Variants in FRMPD4 observed in about 807,000 individuals in gnomAD.
FRMPD4 encodes the protein FERM and PDZ domain-containing protein 4.
In FRMPD4, 22 loss-of-function variants were observed where a neutral mutation model predicts 94.1. The observed-to-expected ratio is 0.23, with a 90% CI of 0.17 to 0.33. The LOEUF is 0.33. Ranked by LOEUF, FRMPD4 falls within the 10% of genes least tolerant of loss-of-function variation. The probability of loss-of-function intolerance (pLI) is 1.00; values close to 1 mark genes in which losing one functional copy is unlikely to be tolerated. For synonymous variants in FRMPD4, 631 were observed against 548.6 expected, an observed-to-expected ratio of 1.15 and a Z score of -2.10; for missense variants, 1,111 against 1,339.9, an observed-to-expected ratio of 0.83 and a Z score of 2.67.
chrX:12,401,367 C>T (rs1267207862), intron 1 of FRMPD4, among the ~76,000 whole-genome samples: 3 of 109,796 alleles, frequency 2.7e-5, no homozygotes, highest in South Asian at 8.3e-4. Context: ...TCCCCTCTCT[C>T]ATAGTTGGAG....
At chrX:12,249,399 T>C (rs1448558200) in intron 1 of FRMPD4, among the ~76,000 whole-genome samples, 2 of 111,092 alleles carry the variant, frequency 1.8e-5, no homozygotes, top group African/African-American at 6.6e-5. Flanking sequence ...TAGGGCAGCA[T>C]AGACAGAGTG....
intron 3 of FRMPD4, among the ~76,000 whole-genome samples, chrX:12,043,980 A>G (rs2054772191): frequency 9.0e-6 from 1 of 111,574 alleles, no homozygotes; most frequent in Admixed American, 9.5e-5. Context: ...CTTTTTATAT[A>G]ACTAACAGGA....
At chrX:12,611,028 A>C (rs2059177934) in intron 3 of FRMPD4, among the ~76,000 whole-genome samples, 1 of 112,146 alleles carries the variant, frequency 8.9e-6, no homozygotes, top group African/African-American at 3.2e-5. Context: ...TCAAATCTTT[A>C]AAATTCTACA....
intron 3 of FRMPD4, among the ~76,000 whole-genome samples, chrX:12,080,313 A>G (rs910266479): frequency 8.9e-6 from 1 of 112,428 alleles, no homozygotes; most frequent in African/African-American, 3.2e-5. Flanking sequence ...ATTCACTCTC[A>G]AAAGCTTTCT....
chrX:12,641,888 T>C (rs1388775734), intron 4 of FRMPD4, among the ~76,000 whole-genome samples: 1 of 112,282 alleles, frequency 8.9e-6, no homozygotes, highest in Non-Finnish European at 1.9e-5. Flanking sequence ...GATGGTGTTT[T>C]AAAGAAATTA....
chrX:12,310,990 G>A (rs1181027129), intron 1 of FRMPD4, among the ~76,000 whole-genome samples: 1 of 112,274 alleles, frequency 8.9e-6, no homozygotes, highest in African/African-American at 3.2e-5. Context: ...TTGTAATGAT[G>A]GATATTCACA....
rs190055190 is a variant in FRMPD4 at position 11,893,404 on chromosome X, A to C, written c.95+15386A>C. 1.7e-3 allele frequency among the ~76,000 whole-genome samples: 194 copies of C among 112,372 alleles called. 2 individuals are homozygous for C. Among genetic ancestry groups the C allele is most frequent in the Non-Finnish European group, 3.3e-3 (177 of 53,238 alleles). On this transcript the variant is annotated intron_variant, in intron 3 of 18. Transcript: ENST00000640291. ...CACTTGGACCTGAATTTTGGCTTTG[A>C]ATATAAGTTTTGCCTGAATTCTTAA...
intron 3 of FRMPD4, among the ~76,000 whole-genome samples, chrX:11,977,967 A>G (rs1457910006): frequency 2.7e-5 from 3 of 110,312 alleles, no homozygotes; most frequent in Admixed American, 9.7e-5. Flanking sequence ...CTGGAGAGGT[A>G]TGATGAGGCA....
intron 3 of FRMPD4, among the ~76,000 whole-genome samples, chrX:11,954,148 C>T (rs950391186): frequency 1.8e-5 from 2 of 112,282 alleles, no homozygotes; most frequent in Non-Finnish European, 3.8e-5. Context: ...TTTGGCCAAC[C>T]TATGTGTTTT....
chrX:12,695,757 A>G (rs912290039), intron 9 of FRMPD4, among the ~76,000 whole-genome samples: 2 of 109,230 alleles, frequency 1.8e-5, no homozygotes, highest in Non-Finnish European at 3.8e-5. Flanking sequence ...TTAGTACTGA[A>G]TGATGATTTT....
chrX:12,055,988 A>G (rs2054852190), intron 3 of FRMPD4, among the ~76,000 whole-genome samples: 1 of 111,203 alleles, frequency 9.0e-6, no homozygotes, highest in Admixed American at 9.5e-5. Context: ...CCTCCTCCTC[A>G]TTTTTTCTCC....
chrX:11,854,917 G>T (rs913970052), intron 1 of FRMPD4, among the ~76,000 whole-genome samples: 2 of 112,151 alleles, frequency 1.8e-5, no homozygotes, highest in East Asian at 5.7e-4. Context: ...TGGGGACTCT[G>T]TGTGGGGGCT....
intron 1 of FRMPD4, among the ~76,000 whole-genome samples, chrX:12,334,461 G>A (rs140467382): frequency 4.2e-4 from 47 of 111,136 alleles, no homozygotes; most frequent in South Asian, 3.1e-3. Context: ...CAAAACTTAC[G>A]TTATGCAAAC....
At chrX:12,178,988 G>T (rs5978496) in intron 1 of FRMPD4, among the ~76,000 whole-genome samples, 10,981 of 111,669 alleles carry the variant, frequency 0.098, 500 homozygotes, top group African/African-American at 0.16. Flanking sequence ...TCATGATTCA[G>T]TGGGTTTTCT....
chrX:12,701,544 C>T (rs940348111), intron 9 of FRMPD4, among the ~76,000 whole-genome samples: 4 of 112,054 alleles, frequency 3.6e-5, no homozygotes, highest in Non-Finnish European at 7.5e-5. Context: ...CCAGAAGCCA[C>T]ATTATGCTAT....
At chrX:11,916,294 T>C (rs2054024388) in intron 3 of FRMPD4, among the ~76,000 whole-genome samples, 2 of 111,477 alleles carry the variant, frequency 1.8e-5, no homozygotes, top group East Asian at 5.6e-4. Context: ...TGCTGTTCCT[T>C]GCATGCCACG....
intron 5 of FRMPD4, among the ~76,000 whole-genome samples, chrX:12,677,725 G>A (rs767423271): frequency 1.8e-5 from 2 of 111,383 alleles, no homozygotes; most frequent in African/African-American, 3.3e-5. Flanking sequence ...TATACCTTCC[G>A]GCCACATTCC....
At chrX:12,528,984 A>G (rs926603451) in intron 2 of FRMPD4, among the ~76,000 whole-genome samples, 3 of 112,567 alleles carry the variant, frequency 2.7e-5, no homozygotes, top group Non-Finnish European at 5.6e-5. Flanking sequence ...ATTGCTGCAT[A>G]ACAAATTTCT....
chrX:11,996,396 C>T (rs1038652232), intron 3 of FRMPD4, among the ~76,000 whole-genome samples: 1 of 112,229 alleles, frequency 8.9e-6, no homozygotes. Context: ...TAAGGATTAA[C>T]AATCATGTTC....
Sources: gnomAD v4.1 joint callset for allele counts (sites outside exome capture counted in the v4.1 genomes callset) on GRCh38, gnomAD v4.1.1 for gene constraint, MANE v1.5 for transcripts, NCBI Gene and HGNC (gene_info 2026-07-23, HGNC 2026-07-21) for gene names.